PAM: variants seen among roughly 807,000 people sequenced by gnomAD.
The protein encoded by PAM is peptidyl-glycine alpha-amidating monooxygenase.
Under a neutral mutation model 122.1 loss-of-function variants are expected in PAM, and 72 were observed. The observed-to-expected ratio is 0.59, with a 90% CI of 0.49 to 0.72. PAM has a LOEUF of 0.72. Among genes scored for constraint, PAM ranks in the 30% least tolerant of loss-of-function variants. The pLI is 0.00. For missense variants in PAM, 1,106 were observed against 1,183.7 expected, an observed-to-expected ratio of 0.93 and a Z score of 0.96; for synonymous variants, 389 against 404.4, an observed-to-expected ratio of 0.96 and a Z score of 0.46.
intron 1 of PAM, among the ~76,000 whole-genome samples, chr5:102,792,459 T>A (rs952650961): frequency 2.0e-5 from 3 of 152,228 alleles, no homozygotes; most frequent in Non-Finnish European, 4.4e-5. Flanking sequence ...ACTTTTTTCT[T>A]CTTTATCTAT....
chr5:103,019,693 A>G, intron 22 of PAM, 97 bp from the exon 23 acceptor site: 1 of 792,420 alleles, frequency 1.3e-6, no homozygotes, highest in Non-Finnish European at 2.2e-6. Flanking sequence ...GAATTAAGGA[A>G]ATATTTTCTA....
rs372321017 is a variant in PAM, at chr5:102,901,373, C to T, written c.228C>T (p.Cys76=). The T allele has an allele frequency of 6.3e-6, 10 of 1,579,340 alleles. No individual in the cohort carries two copies. In the African/African-American group the frequency reaches 1.4e-4, roughly 21 times the overall value. The change falls in exon 4 of 26, where the codon TGC becomes TGT. Residue 76 remains cysteine, a synonymous_variant. Coordinates refer to ENST00000438793, the MANE Select transcript of PAM (RefSeq NM_001177306.2). The part of the protein sequence containing the change: ...VTPKQSDTYF[C]MSMRIPVDEE... ...TTTAATAGTCCGATACATACTTCTG[C>T]ATGTCTATGCGAATACCAGTGGATG...
chr5:102,914,210 T>C (rs925056192), intron 5 of PAM, among the ~76,000 whole-genome samples, 189 bp downstream of exon 5: 10 of 152,050 alleles, frequency 6.6e-5, no homozygotes, highest in African/African-American at 2.2e-4. Flanking sequence ...ATAGAGCATA[T>C]CTATCAGCCT....
At chr5:102,812,084 T>C (rs1284395563) in intron 1 of PAM, among the ~76,000 whole-genome samples, 4 of 152,194 alleles carry the variant, frequency 2.6e-5, no homozygotes, top group African/African-American at 9.7e-5. Flanking sequence ...ATGTGAAATC[T>C]AGTAACCCTG....
chr5:102,825,156 T>C (rs191674822), intron 1 of PAM, among the ~76,000 whole-genome samples: 3 of 152,356 alleles, frequency 2.0e-5, no homozygotes, highest in Admixed American at 6.5e-5. Context: ...CTAATTTAAG[T>C]CATTTTCAAA....
intron 19 of PAM, 29 bp from the exon 20 acceptor site, chr5:103,007,428 T>G: frequency 6.3e-7 from 1 of 1,592,140 alleles, no homozygotes. Flanking sequence ...TTTAACATTG[T>G]GTATCTAAGG....
At chr5:102,995,929 T>A (rs1775567114) in intron 16 of PAM, among the ~76,000 whole-genome samples, 1 of 152,078 alleles carries the variant, frequency 6.6e-6, no homozygotes, top group African/African-American at 2.4e-5. Flanking sequence ...ACATTTTCAC[T>A]TATATTCTTG....
At chr5:102,760,543 T>A (rs1470032417) in intron 1 of PAM, among the ~76,000 whole-genome samples, 4 of 152,222 alleles carry the variant, frequency 2.6e-5, no homozygotes, top group African/African-American at 9.6e-5. Context: ...ATTCCTCAGT[T>A]GCAGTAGCCA....
intron 5 of PAM, among the ~76,000 whole-genome samples, chr5:102,922,172 C>G (rs1035486779): frequency 6.6e-6 from 1 of 151,532 alleles, no homozygotes. Flanking sequence ...CATGCCGGGA[C>G]TTCAGCATGA....
chr5:102,930,054 T>G (rs1431399240), intron 7 of PAM, among the ~76,000 whole-genome samples: 1 of 152,206 alleles, frequency 6.6e-6, no homozygotes, highest in African/African-American at 2.4e-5. Flanking sequence ...TCTATGGGAT[T>G]ACATAAAATG....
chr5:102,764,785 A>G (rs989368676), intron 1 of PAM, among the ~76,000 whole-genome samples: 2 of 152,210 alleles, frequency 1.3e-5, no homozygotes, highest in Non-Finnish European at 2.9e-5. Flanking sequence ...ACCGTGCTCA[A>G]AAACTGTCAG....
Position 102,772,901 on chromosome 5 carries a change from T to G in PAM, c.-374+17553T>G, listed in dbSNP as rs559409134. Among the ~76,000 whole-genome samples, 21 of 152,266 alleles carry G rather than the reference T, an allele frequency of 1.4e-4. 1 individual carries two copies. The highest frequency in any genetic ancestry group is 1.2e-3 in the South Asian group (6 of 4,824). On this transcript the variant is annotated intron_variant, in intron 1 of 25. Coordinates refer to ENST00000438793, the MANE Select transcript of PAM (RefSeq NM_001177306.2). ...CACAGATTTTCAAATATCTGGAGTT[T>G]CATATGATTCAACCTATCAAAACAA... is the stretch of plus-strand genomic sequence containing the variant.
chr5:102,839,023 G>A (rs903414709), intron 1 of PAM, among the ~76,000 whole-genome samples: 1 of 151,988 alleles, frequency 6.6e-6, no homozygotes, highest in Non-Finnish European at 1.5e-5. Context: ...TTTTTTATTG[G>A]GAGATATATC....
rs139005508 is a variant in PAM at position 102,860,533 on chromosome 5, C to T, written c.-373-5290C>T. 6.7e-3 allele frequency among the ~76,000 whole-genome samples: 1,018 copies of T among 151,690 alleles called. 8 individuals are homozygous for T. Among genetic ancestry groups the T allele is most frequent in the Non-Finnish European group, 0.013 (851 of 67,794 alleles). On this transcript the variant is annotated intron_variant, in intron 1 of 25. Transcript: ENST00000438793. ...CTCTGTCTCTACAAAAAATACAAAACAAATTAGCCAGGTGTAGTGGTGCAT... is the reference window on the plus strand; with the variant it reads ...CTCTGTCTCTACAAAAAATACAAAATAAATTAGCCAGGTGTAGTGGTGCAT...
intron 16 of PAM, among the ~76,000 whole-genome samples, chr5:102,991,720 T>C (rs1774137919): frequency 1.3e-5 from 2 of 152,148 alleles, no homozygotes; most frequent in South Asian, 4.1e-4. Context: ...ACTTCAGAGT[T>C]CAAAGTAAAT....
chr5:102,836,859 C>CGAGA (rs57617414), intron 1 of PAM, among the ~76,000 whole-genome samples: 36,193 of 120,574 alleles, frequency 0.3, 6,302 homozygotes, highest in East Asian at 0.43. Flanking sequence ...AGAAAGAAAC[C>CGAGA]GAGAGAGAGA....
chr5:102,788,977 G>C (rs1761317915), intron 1 of PAM, among the ~76,000 whole-genome samples: 2 of 152,078 alleles, frequency 1.3e-5, no homozygotes, highest in Non-Finnish European at 1.5e-5. Flanking sequence ...TCAGAGGCTA[G>C]GTGTGAAGAA....
chr5:102,990,524 C>A, intron 16 of PAM, 123 bp downstream of exon 16: 3 of 624,978 alleles, frequency 4.8e-6, no homozygotes, highest in African/African-American at 3.7e-5. Flanking sequence ...CTTTTATGAG[C>A]AAAATGTATT....
At chr5:102,794,980 A>C (rs1407222870) in intron 1 of PAM, among the ~76,000 whole-genome samples, 1 of 151,976 alleles carries the variant, frequency 6.6e-6, no homozygotes, top group Non-Finnish European at 1.5e-5. Context: ...ACTTGTGCCC[A>C]GGAGTTGGAG....
Sources: allele counts gnomAD v4.1 joint callset (sites outside exome capture counted in the v4.1 genomes callset), GRCh38; gene constraint gnomAD v4.1.1; transcripts MANE v1.5; gene names NCBI Gene and HGNC (gene_info 2026-07-23, HGNC 2026-07-21).